Variants in HELZ observed in about 807,000 individuals in gnomAD.
HELZ encodes the protein ATP-dependent RNA helicase with zinc finger domain.
HELZ carries 23 observed loss-of-function variants against 218.2 expected under a neutral mutation model. The observed-to-expected ratio is 0.11, with a 90% CI of 0.08 to 0.15. The LOEUF is 0.15. Ranked by LOEUF, HELZ falls within the 10% of genes least tolerant of loss-of-function variation. The pLI is 1.00. For missense variants in HELZ, 1,813 were observed against 2,353.7 expected (o/e 0.77, Z 4.75); for synonymous variants, 814 against 829.4 (o/e 0.98, Z 0.32).
chr17:67,241,986 A>G (rs1223257250), intron 2 of HELZ, among the ~76,000 whole-genome samples: 2 of 152,246 alleles, frequency 1.3e-5, no homozygotes, highest in Non-Finnish European at 2.9e-5. Context: ...ATGTCTTGAC[A>G]CAATTCAGGT....
At chr17:67,200,931 A>G (rs972190324) in intron 7 of HELZ, 198 bp downstream of exon 7, 64 of 568,600 alleles carry the variant, frequency 1.1e-4, no homozygotes, top group South Asian at 1.1e-3. Context: ...CACAGAGGAG[A>G]CATGTGGAGA....
intron 3 of HELZ, among the ~76,000 whole-genome samples, chr17:67,223,168 G>C (rs1041807281): frequency 2.0e-5 from 3 of 151,900 alleles, no homozygotes; most frequent in Admixed American, 1.3e-4. Context: ...GCTGAGGAAG[G>C]AGAATGGCAT....
chr17:67,101,422 T>C (rs1037984384), intron 31 of HELZ, among the ~76,000 whole-genome samples: 1 of 152,144 alleles, frequency 6.6e-6, no homozygotes, highest in African/African-American at 2.4e-5. Context: ...TTTAAACTAC[T>C]GGGTTAGAAT....
rs530401231 is a variant in HELZ at position 67,181,038 on chromosome 17, C to T, written c.1163-2112G>A. The stretch of plus-strand genomic sequence containing the variant: ...ACTGCACTCCAGCCTGGCGACAGAG[C>T]CAGACTCTGTCTCAAAAAATAAATA... On this transcript the variant is annotated intron_variant, in intron 12 of 32. Transcript: ENST00000358691. Among the ~76,000 whole-genome samples the T allele has an allele frequency of 5.9e-5, 9 of 151,806 alleles. No individual in the cohort carries two copies. In the South Asian group the frequency reaches 1.9e-3, roughly 32 times the overall value.
At chr17:67,141,596 GA>G (rs2038326479) in intron 21 of HELZ, among the ~76,000 whole-genome samples, 2 of 151,904 alleles carry the variant, frequency 1.3e-5, no homozygotes, top group Admixed American at 1.3e-4. Flanking sequence ...CCCTAGAAAG[GA>G]AGGGGGAATA....
chr17:67,199,368 A>G (rs2040112331), intron 7 of HELZ, among the ~76,000 whole-genome samples: 1 of 152,034 alleles, frequency 6.6e-6, no homozygotes, highest in Admixed American at 6.6e-5. Context: ...TCCTGCCACC[A>G]TGCCTGACTA....
At chr17:67,212,550 G>C (rs995922159) in intron 5 of HELZ, among the ~76,000 whole-genome samples, 2 of 151,946 alleles carry the variant, frequency 1.3e-5, no homozygotes, top group African/African-American at 4.8e-5. Flanking sequence ...AAAATTACAT[G>C]TAACAGCAGA....
At position 67,092,895 on chromosome 17, in the gene HELZ, G is replaced by C. The variant is rs550367046; in HGVS notation, c.5242-5814C>G. 2.4e-4 allele frequency among the ~76,000 whole-genome samples: 37 copies of C among 151,576 alleles called. No individual in the cohort carries two copies. In the South Asian group the frequency reaches 3.6e-3, roughly 15 times the overall value. ...CAAGAGAACTGCTTGAAACCGGCGG[G>C]GGGGGGAAGTTGCAGTGAGCCAAGA... On this transcript the variant is annotated intron_variant, in intron 31 of 32. Transcript: ENST00000358691.
intron 17 of HELZ, among the ~76,000 whole-genome samples, chr17:67,156,625 C>T (rs969790251): frequency 6.6e-6 from 1 of 152,084 alleles, no homozygotes; most frequent in East Asian, 1.9e-4. Flanking sequence ...GAACTCTCCC[C>T]TCAGCTTCCA....
chr17:67,135,151 AAAC>A, intron 23 of HELZ, among the ~76,000 whole-genome samples: 1 of 152,164 alleles, frequency 6.6e-6, no homozygotes, highest in Non-Finnish European at 1.5e-5. Context: ...CTGTTCCTTA[AAAC>A]TAAAGTCTAA....
At chr17:67,162,811 A>G (rs543243788) in intron 15 of HELZ, among the ~76,000 whole-genome samples, 4 of 152,162 alleles carry the variant, frequency 2.6e-5, no homozygotes, top group Admixed American at 6.5e-5. Flanking sequence ...AAAAGTAAAT[A>G]AACTACAGCA....
intron 7 of HELZ, among the ~76,000 whole-genome samples, chr17:67,196,161 T>C (rs1431014301): frequency 6.6e-6 from 1 of 152,146 alleles, no homozygotes; most frequent in Non-Finnish European, 1.5e-5. Flanking sequence ...TAGAGGTTCC[T>C]TTTTCTTGCA....
intron 12 of HELZ, among the ~76,000 whole-genome samples, chr17:67,184,629 T>A (rs182806757): frequency 1.3e-5 from 2 of 152,022 alleles, no homozygotes; most frequent in Non-Finnish European, 2.9e-5. Context: ...AGAGACCTTG[T>A]CTCTACAAAA....
Position 67,160,376 on chromosome 17 carries a change from T to C in HELZ, c.2076-14A>G. ...CAAATGAGAATCCTGCTGAAATAAA[T>C]GGTGCAAATAAAAAGAATGATAAAA... On this transcript the variant is annotated splice_polypyrimidine_tract_variant and intron_variant, in intron 16 of 32. Coordinates refer to ENST00000358691, the MANE Select transcript of HELZ (RefSeq NM_014877.4). 1 of 1,547,906 alleles carries C rather than the reference T, an allele frequency of 6.5e-7. No homozygotes were observed. The highest frequency in any genetic ancestry group is 8.9e-7 in the Non-Finnish European group (1 of 1,122,214).
intron 24 of HELZ, among the ~76,000 whole-genome samples, chr17:67,124,295 A>C (rs1351947267): frequency 6.6e-6 from 1 of 152,202 alleles, no homozygotes; most frequent in Non-Finnish European, 1.5e-5. Flanking sequence ...ATTAAAATGA[A>C]ATACGCAATC....
intron 23 of HELZ, among the ~76,000 whole-genome samples, chr17:67,131,298 C>T (rs2037975442): frequency 6.6e-6 from 1 of 152,192 alleles, no homozygotes; most frequent in South Asian, 2.1e-4. Flanking sequence ...AACTCCATAC[C>T]CTGTTCCTAT....
Position 67,161,026 on chromosome 17 carries a change from G to C in HELZ, c.1946C>G (p.Ala649Gly). The change falls in exon 16 of 33, where the codon GCT becomes GGT. Residue 649 changes from alanine to glycine, a missense_variant. Transcript: ENST00000358691. Reference sequence around the variant, plus strand: ...AAGTGGAGTGGTAATGGCCAGAACAGCCTCTTTCTGTTTTGCATTTAGTCG... The same window carrying C: ...AAGTGGAGTGGTAATGGCCAGAACACCCTCTTTCTGTTTTGCATTTAGTCG... The part of the protein sequence containing the change: ...DPRLNAKQKE[A>G]VLAITTPLAI... The C allele has an allele frequency of 6.2e-7, 1 of 1,612,970 alleles. No homozygotes were observed. The highest frequency in any genetic ancestry group is 8.5e-7 in the Non-Finnish European group (1 of 1,179,392).
intron 12 of HELZ, among the ~76,000 whole-genome samples, chr17:67,187,439 A>G (rs1456655973): frequency 2.0e-5 from 3 of 152,024 alleles, no homozygotes; most frequent in Non-Finnish European, 4.4e-5. Flanking sequence ...TCACTATGTG[A>G]AAAAAAATAA....
chr17:67,153,440 G>T (rs2038749509), intron 17 of HELZ, among the ~76,000 whole-genome samples: 1 of 152,178 alleles, frequency 6.6e-6, no homozygotes, highest in African/African-American at 2.4e-5. Flanking sequence ...AAATTACAAA[G>T]ATCATCAGAT....
Sources: gnomAD v4.1 joint callset for allele counts (sites outside exome capture counted in the v4.1 genomes callset) on GRCh38, gnomAD v4.1.1 for gene constraint, MANE v1.5 for transcripts, NCBI Gene and HGNC (gene_info 2026-07-23, HGNC 2026-07-21) for gene names.